SAMMSON: variants seen among roughly 807,000 people sequenced by gnomAD.
SAMMSON encodes long intergenic non-protein coding RNA 1212.
intron 3 of SAMMSON, among the ~76,000 whole-genome samples, chr3:70,026,044 C>T (rs561920912): frequency 6.6e-6 from 1 of 151,842 alleles, no homozygotes; most frequent in African/African-American, 2.4e-5. Context: ...AAATGACAAA[C>T]AATGAAATTT....
chr3:70,154,340 G>C (rs537486247), intron 4 of SAMMSON, among the ~76,000 whole-genome samples: 4 of 152,082 alleles, frequency 2.6e-5, no homozygotes, highest in African/African-American at 9.6e-5. Flanking sequence ...ATCTTATAAA[G>C]AGTAAACTGA....
At chr3:70,253,390 A>G (rs932473257) in intron 6 of SAMMSON, among the ~76,000 whole-genome samples, 1 of 152,026 alleles carries the variant, frequency 6.6e-6, no homozygotes, top group Non-Finnish European at 1.5e-5. Context: ...TAAAGTAGAG[A>G]GTGGATGAAG....
At chr3:70,147,700 A>G (rs923732865) in intron 4 of SAMMSON, among the ~76,000 whole-genome samples, 1 of 149,776 alleles carries the variant, frequency 6.7e-6, no homozygotes, top group Non-Finnish European at 1.5e-5. Flanking sequence ...ATCTTTTAGA[A>G]GAAAACATGG....
chr3:70,117,961 A>G (rs534162412), intron 4 of SAMMSON, among the ~76,000 whole-genome samples: 1 of 152,258 alleles, frequency 6.6e-6, no homozygotes, highest in East Asian at 1.9e-4. Flanking sequence ...TCTGTTGCCC[A>G]GGCTGGAGTG....
At chr3:70,005,307 A>G (rs1212939888) in intron 1 of SAMMSON, among the ~76,000 whole-genome samples, 2 of 150,956 alleles carry the variant, frequency 1.3e-5, no homozygotes, top group Middle Eastern at 3.4e-3. Context: ...TATTCACAGT[A>G]CTTACATTAG....
chr3:70,248,634 T>G (rs1575606237), intron 4 of SAMMSON, among the ~76,000 whole-genome samples: 1 of 152,260 alleles, frequency 6.6e-6, no homozygotes, highest in East Asian at 1.9e-4. Flanking sequence ...TTTAGGCTTT[T>G]ACAATCAACA....
downstream of SAMMSON, among the ~76,000 whole-genome samples, chr3:70,391,907 A>C (rs1251211700): frequency 6.6e-6 from 1 of 152,166 alleles, no homozygotes; most frequent in Non-Finnish European, 1.5e-5. Context: ...GATTCATGCA[A>C]CAATATTTAC....
intron 3 of SAMMSON, among the ~76,000 whole-genome samples, chr3:70,045,466 C>T (rs2067123104): frequency 6.6e-6 from 1 of 151,602 alleles, no homozygotes; most frequent in African/African-American, 2.4e-5. Flanking sequence ...TTCAGTAGCA[C>T]ACACCTGCTC....
intron 4 of SAMMSON, among the ~76,000 whole-genome samples, chr3:70,161,898 A>C (rs1440004228): frequency 1.3e-5 from 2 of 151,510 alleles, no homozygotes; most frequent in Non-Finnish European, 3.0e-5. Context: ...TTAAGAATTT[A>C]TGTCATCTAA....
At chr3:70,148,984 T>C (rs560054105) in intron 4 of SAMMSON, among the ~76,000 whole-genome samples, 14 of 152,166 alleles carry the variant, frequency 9.2e-5, no homozygotes, top group Admixed American at 5.9e-4. Context: ...AGGCGAGGAA[T>C]AATGCTGGTT....
chr3:70,317,526 T>C (rs766338942), intron 7 of SAMMSON, among the ~76,000 whole-genome samples: 3 of 151,884 alleles, frequency 2.0e-5, no homozygotes, highest in Non-Finnish European at 4.4e-5. Flanking sequence ...CTTACTTTAT[T>C]GTGATATTCA....
intron 1 of SAMMSON, among the ~76,000 whole-genome samples, chr3:70,006,086 G>A (rs949065815): frequency 2.2e-4 from 33 of 152,102 alleles, no homozygotes; most frequent in African/African-American, 6.0e-4. Flanking sequence ...ATGCCTGAAA[G>A]CAAAAACATC....
chr3:70,049,874 G>A (rs2067139937), intron 3 of SAMMSON, among the ~76,000 whole-genome samples: 2 of 152,018 alleles, frequency 1.3e-5, no homozygotes, highest in Admixed American at 1.3e-4. Context: ...AAAGAGCACA[G>A]TTTGTTTTTA....
intron 3 of SAMMSON, among the ~76,000 whole-genome samples, chr3:70,023,797 A>G (rs1353128260): frequency 6.6e-6 from 1 of 152,194 alleles, no homozygotes. Context: ...GTATTCCAAT[A>G]AAACTTTATT....
At chr3:70,231,094 T>A (rs1701555540) in intron 4 of SAMMSON, among the ~76,000 whole-genome samples, 1 of 152,216 alleles carries the variant, frequency 6.6e-6, no homozygotes, top group Non-Finnish European at 1.5e-5. Flanking sequence ...GCTCTATTGT[T>A]ATCAATTGTA....
intron 3 of SAMMSON, among the ~76,000 whole-genome samples, chr3:70,046,089 A>C (rs2107587946): frequency 6.6e-6 from 1 of 152,250 alleles, no homozygotes; most frequent in African/African-American, 2.4e-5. Flanking sequence ...TTGTATTAGC[A>C]TCCATTTCTT....
chr3:70,126,755 GC>G, intron 4 of SAMMSON: 1 of 237,600 alleles, frequency 4.2e-6, no homozygotes, highest in East Asian at 1.2e-4. Context: ...TTGCTCTGTT[GC>G]CTAGGCTGGA....
intron 3 of SAMMSON, among the ~76,000 whole-genome samples, chr3:70,048,955 G>A (rs2067136598): frequency 6.6e-6 from 1 of 152,090 alleles, no homozygotes; most frequent in African/African-American, 2.4e-5. Context: ...ATTTTCCAAT[G>A]AGGCAAATTG....
chr3:70,396,153 G>A (rs1701091475), intron 2 of SAMMSON, among the ~76,000 whole-genome samples: 1 of 152,074 alleles, frequency 6.6e-6, no homozygotes, highest in African/African-American at 2.4e-5. Context: ...TTCAATAAAT[G>A]ATGACTCTTA....
Sources: allele counts gnomAD v4.1 joint callset (sites outside exome capture counted in the v4.1 genomes callset), GRCh38; gene constraint gnomAD v4.1.1; transcripts MANE v1.5; gene names NCBI Gene and HGNC (gene_info 2026-07-23, HGNC 2026-07-21).